FUBP1: variants seen among roughly 807,000 people sequenced by gnomAD.
The protein encoded by FUBP1 is far upstream element binding protein 1.
FUBP1 carries 16 observed loss-of-function variants against 94.9 expected under a neutral mutation model. The ratio of observed to expected loss-of-function variants is 0.17; its 90% CI spans 0.11 to 0.26. The LOEUF (loss-of-function observed/expected upper bound fraction) is 0.26, where lower values mean the gene tolerates loss of function less well. Among genes scored for constraint, FUBP1 ranks in the 10% least tolerant of loss-of-function variants. FUBP1 has a pLI of 1.00. For synonymous variants in FUBP1, 279 were observed against 254.9 expected (o/e 1.09, Z -0.90); for missense variants, 583 against 808.6 (o/e 0.72, Z 3.38).
chr1:77,967,836 A>T (rs1656797036), intron 3 of FUBP1, among the ~76,000 whole-genome samples, 170 bp from the exon 4 acceptor site: 2 of 152,180 alleles, frequency 1.3e-5, no homozygotes, highest in African/African-American at 4.8e-5. Context: ...TGACAGGGGC[A>T]AGAGAGCCAA....
chr1:77,968,656 CAA>C (rs1214592313), intron 2 of FUBP1, among the ~76,000 whole-genome samples: 4 of 142,436 alleles, frequency 2.8e-5, no homozygotes, highest in African/African-American at 1.0e-4. Context: ...AAAAAAAAAA[CAA>C]AAAAACCCCC....
chr1:77,961,841 A>G (rs1335743979), intron 14 of FUBP1, among the ~76,000 whole-genome samples: 1 of 152,170 alleles, frequency 6.6e-6, no homozygotes, highest in East Asian at 1.9e-4. Flanking sequence ...TACTCTACAA[A>G]CATCCTCTTC....
At chr1:77,949,417 G>T in intron 18 of FUBP1, 117 bp from the exon 19 acceptor site, 2 of 779,946 alleles carry the variant, frequency 2.6e-6, no homozygotes, top group South Asian at 2.1e-5. Flanking sequence ...GAATAATCTT[G>T]TGTTTGCCCT....
intron 14 of FUBP1, chr1:77,960,828 TACTC>T (rs1376140626): frequency 1.3e-5 from 3 of 227,396 alleles, no homozygotes; most frequent in African/African-American, 4.7e-5. Context: ...TTTTCCATCT[TACTC>T]ACAGAAATCA....
upstream of FUBP1, chr1:77,979,138 C>T: frequency 1.1e-6 from 1 of 880,366 alleles, no homozygotes; most frequent in Non-Finnish European, 1.7e-6. Flanking sequence ...GGGGCGGAGA[C>T]TGAAGGAACA....
In FUBP1 at chr1:77,960,271, G is replaced by T; in HGVS notation, c.1497-8C>A. ...TATGGGGCTGGAGGACCACTGAAAAGAAAAATCAGCATAAAAAACAGTCCC... is the reference window on the plus strand; with the variant it reads ...TATGGGGCTGGAGGACCACTGAAAATAAAAATCAGCATAAAAAACAGTCCC... On this transcript the variant is annotated splice_polypyrimidine_tract_variant and splice_region_variant and intron_variant, in intron 15 of 19. Transcript: ENST00000370768. The T allele has an allele frequency of 6.2e-7, 1 of 1,612,750 alleles. No individual in the cohort carries two copies. The highest frequency in any genetic ancestry group is 1.1e-5 in the South Asian group (1 of 90,956).
intron 17 of FUBP1, 25 bp downstream of exon 17, chr1:77,956,547 C>A: frequency 6.3e-7 from 1 of 1,588,956 alleles, no homozygotes; most frequent in South Asian, 1.1e-5. Flanking sequence ...TTTTGGCTTT[C>A]ACATACAATA....
At position 77,947,416 on chromosome 1, in the gene FUBP1, G is replaced by A. The variant is rs141436861; in HGVS notation, c.*1350C>T. On this transcript the variant is annotated 3_prime_UTR_variant, in exon 20 of 20. Transcript: ENST00000370768. ...TGTGGAACATTGACAAAAAGATACT[G>A]TTGCAGTTCATCAATTTGTCATTCT... 2 of 579,840 alleles carry A rather than the reference G, an allele frequency of 3.4e-6. No homozygotes were observed. Among genetic ancestry groups the A allele is most frequent in the Non-Finnish European group, 3.1e-6 (1 of 323,126 alleles). 35.9% of individuals were successfully genotyped at this position (579,840 alleles called of 1,614,324 possible). A position where few individuals can be genotyped will look rare whatever the true frequency, so the allele number is the denominator to read the frequency against.
intron 18 of FUBP1, among the ~76,000 whole-genome samples, chr1:77,950,855 A>G (rs763495032): frequency 1.3e-5 from 2 of 152,216 alleles, no homozygotes; most frequent in South Asian, 2.1e-4. Flanking sequence ...TCACAGACTC[A>G]AAGCAACTGA....
chr1:77,964,507 A>C, intron 10 of FUBP1, 139 bp downstream of exon 10: 2 of 666,342 alleles, frequency 3.0e-6, no homozygotes, highest in Non-Finnish European at 5.1e-6. Context: ...GGGTAACAAG[A>C]TATATAGAAT....
At chr1:77,968,787 C>G (rs1656994527) in intron 2 of FUBP1, among the ~76,000 whole-genome samples, 1 of 152,112 alleles carries the variant, frequency 6.6e-6, no homozygotes, top group Non-Finnish European at 1.5e-5. Context: ...CTACCTTCAC[C>G]TAAATCCATT....
chr1:77,948,641 A>G lies in FUBP1; in HGVS notation c.*125T>C, dbSNP rs1422352213. On this transcript the variant is annotated 3_prime_UTR_variant, in exon 20 of 20. Transcript: ENST00000370768. ...GTACATTTTCAAAAAAAAAAAAAAA[A>G]AAGGAAACACTATTTTAAACCAAAA... is the stretch of plus-strand genomic sequence containing the variant. 2.1e-6 allele frequency: 3 copies of G among 1,420,022 alleles called. No individual in the cohort carries two copies. The African/African-American group carries it at 4.4e-5, about 21-fold the overall frequency. 88.0% of individuals were successfully genotyped at this position (1,420,022 alleles called of 1,614,324 possible).
chr1:77,953,268 T>TC (rs1253510057), intron 18 of FUBP1, among the ~76,000 whole-genome samples: 1 of 152,092 alleles, frequency 6.6e-6, no homozygotes, highest in Non-Finnish European at 1.5e-5. Context: ...GGCAGGTGGA[T>TC]CACCTGAGGT....
intron 18 of FUBP1, among the ~76,000 whole-genome samples, chr1:77,953,375 C>A (rs1208940195): frequency 1.3e-5 from 2 of 152,240 alleles, no homozygotes; most frequent in East Asian, 1.9e-4. Context: ...CCTGTAATCC[C>A]AGCTACTTGG....
In FUBP1 at chr1:77,944,136, G is replaced by C. The variant is rs1457478951; in HGVS notation, c.*4630C>G. The stretch of plus-strand genomic sequence containing the variant: ...AATCATGTGACCTTTTACATACAAT[G>C]TCATTAAAGCAAACTCTAAACCACA... On this transcript the variant is annotated 3_prime_UTR_variant, in exon 20 of 20. Transcript: ENST00000370768. The C allele has an allele frequency of 5.2e-6, 1 of 191,144 alleles. No individual in the cohort carries two copies. The highest frequency in any genetic ancestry group is 1.1e-5 in the Non-Finnish European group (1 of 91,176). 11.8% of individuals were successfully genotyped at this position (191,144 alleles called of 1,614,324 possible).
At chr1:77,976,232 C>T (rs1041522629) in intron 1 of FUBP1, among the ~76,000 whole-genome samples, 5 of 152,166 alleles carry the variant, frequency 3.3e-5, no homozygotes, top group Non-Finnish European at 7.4e-5. Context: ...TGTCTAAGTA[C>T]GCTTCTGTAT....
chr1:77,958,593 G>A (rs1008005595), intron 16 of FUBP1, among the ~76,000 whole-genome samples: 10 of 152,062 alleles, frequency 6.6e-5, no homozygotes, highest in Non-Finnish European at 2.9e-5. Flanking sequence ...TAGTTAAATG[G>A]GTTACTTCTT....
chr1:77,951,178 C>T (rs1653393579), intron 18 of FUBP1, among the ~76,000 whole-genome samples: 1 of 152,176 alleles, frequency 6.6e-6, no homozygotes, highest in Non-Finnish European at 1.5e-5. Context: ...AGGTTTTAAA[C>T]CCCATTGTAA....
intron 5 of FUBP1, 27 bp downstream of exon 5, chr1:77,967,022 C>T (rs1010695286): frequency 6.4e-7 from 1 of 1,567,156 alleles, no homozygotes; most frequent in Non-Finnish European, 8.8e-7. Flanking sequence ...ATCATGTTTT[C>T]AAAACTTTAA....
Sources: allele counts gnomAD v4.1 joint callset (sites outside exome capture counted in the v4.1 genomes callset), GRCh38; gene constraint gnomAD v4.1.1; transcripts MANE v1.5; gene names NCBI Gene and HGNC (gene_info 2026-07-23, HGNC 2026-07-21).